ZNF727: variants seen among roughly 807,000 people sequenced by gnomAD.
ZNF727 encodes putative zinc finger protein 727.
A neutral mutation model predicts 11.5 loss-of-function variants in ZNF727; 11 were observed. The observed-to-expected ratio is 0.95, with a 90% confidence interval of 0.60 to 1.58. ZNF727 has a LOEUF of 1.58. ZNF727 is among the 40% of genes most tolerant of loss of function. ZNF727 has a pLI of 0.00. For missense variants in ZNF727, 533 were observed against 581.7 expected (o/e 0.92, Z 0.86); for synonymous variants, 171 against 196.1 (o/e 0.87, Z 1.07).
At chr7:64,065,301 C>A (rs532444768) in intron 1 of ZNF727, among the ~76,000 whole-genome samples, 1 of 152,170 alleles carries the variant, frequency 6.6e-6, no homozygotes, top group Admixed American at 6.5e-5. Flanking sequence ...TCACTGCGGC[C>A]CATATTCTCA....
chr7:64,046,121 T>G (rs1340507347), intron 1 of ZNF727, among the ~76,000 whole-genome samples: 1 of 152,122 alleles, frequency 6.6e-6, no homozygotes, highest in Non-Finnish European at 1.5e-5. Context: ...GCTCAGATGA[T>G]CCTCCCACCC....
At chr7:64,061,499 CT>C (rs541292621) in intron 1 of ZNF727, among the ~76,000 whole-genome samples, 3 of 150,828 alleles carry the variant, frequency 2.0e-5, no homozygotes, top group African/African-American at 7.3e-5. Flanking sequence ...TATCCCTGCT[CT>C]TTTTTTTGTT....
At position 64,045,732 on chromosome 7, in the gene ZNF727, C is replaced by G. The variant is rs538143824; in HGVS notation, c.3+108C>G. 5.2e-5 allele frequency: 74 copies of G among 1,432,986 alleles called. No individual in the cohort carries two copies. In the African/African-American group the frequency reaches 9.6e-4, roughly 19 times the overall value. The allele number at this position is 1,432,986 out of a possible 1,614,324, so 88.8% of individuals were successfully genotyped here. On this transcript the variant is annotated intron_variant, in intron 1 of 3. Transcript: ENST00000456806. Reference sequence around the variant, plus strand: ...CTCGCGGTCAGCTCTGCAGCAGCTCCGAGTCCCCGTGGGCACAGTTCAGTC... The same window carrying G: ...CTCGCGGTCAGCTCTGCAGCAGCTCGGAGTCCCCGTGGGCACAGTTCAGTC...
rs1785748549 is a variant in ZNF727, at chr7:64,079,414, A to G, written c.*865A>G. Among the ~76,000 whole-genome samples, 1 of 152,148 alleles carries G rather than the reference A, an allele frequency of 6.6e-6. No homozygotes were observed. The highest frequency in any genetic ancestry group is 1.5e-5 in the Non-Finnish European group (1 of 68,020). ...CTGGGTGCTTTTGTGTTGGATGCAT[A>G]TATAGCCCTTTACTATTATGTAATG... On this transcript the variant is annotated 3_prime_UTR_variant, in exon 4 of 4. Transcript: ENST00000456806.
Position 64,079,401 on chromosome 7 carries a change from G to GGT in ZNF727, c.*852_*853insGT, listed in dbSNP as rs1490979591. Among the ~76,000 whole-genome samples, 1 of 152,082 alleles carries GGT rather than the reference G, an allele frequency of 6.6e-6. No individual in the cohort carries two copies. The highest frequency in any genetic ancestry group is 1.5e-5 in the Non-Finnish European group (1 of 67,996). On this transcript the variant is annotated 3_prime_UTR_variant, in exon 4 of 4. Transcript: ENST00000456806. ...ACTTGCTTCATAACTGGGTGCTTTT[G>GGT]TGTTGGATGCATATATAGCCCTTTA...
In ZNF727 at chr7:64,084,633, CTA is replaced by C. The variant is rs766453533; in HGVS notation, c.*6088_*6089del. On this transcript the variant is annotated 3_prime_UTR_variant, in exon 4 of 4. Transcript: ENST00000456806. ...TGTAATGAAGATGAGTATAATGGAG[CTA>C]TATGTTTCTGAATTCTGAACAACTA... 2.0e-5 allele frequency among the ~76,000 whole-genome samples: 3 copies of C among 152,266 alleles called. No individual in the cohort carries two copies. The highest frequency in any genetic ancestry group is 3.9e-4 in the East Asian group (2 of 5,188).
At chr7:64,054,086 A>G (rs1207233291) in intron 1 of ZNF727, among the ~76,000 whole-genome samples, 1 of 152,204 alleles carries the variant, frequency 6.6e-6, no homozygotes, top group African/African-American at 2.4e-5. Context: ...TACAGCAGGA[A>G]TTAGTATATG....
In ZNF727 at chr7:64,082,560, A is replaced by T. The variant is rs7779587; in HGVS notation, c.*4011A>T. On this transcript the variant is annotated 3_prime_UTR_variant, in exon 4 of 4. Coordinates refer to ENST00000456806, the MANE Select transcript of ZNF727 (RefSeq NM_001159522.3). The stretch of plus-strand genomic sequence containing the variant: ...TGAAAGGTCTTACCCAGTGAGGAGA[A>T]CATGACTGGGGACCCACTTAAGAAA... Among the ~76,000 whole-genome samples the T allele has an allele frequency of 0.51, 78,209 of 152,020 alleles. 21,276 individuals carry two copies. The highest frequency in any genetic ancestry group is 0.61 in the Non-Finnish European group (41,698 of 67,964).
At chr7:64,076,810 G>C (rs1785670431) in intron 3 of ZNF727, among the ~76,000 whole-genome samples, 1 of 152,098 alleles carries the variant, frequency 6.6e-6, no homozygotes, top group Admixed American at 6.6e-5. Flanking sequence ...AAGTGTCTCT[G>C]CTGTCTGAAA....
In ZNF727 at chr7:64,080,177, T is replaced by A. The variant is rs1785764152; in HGVS notation, c.*1628T>A. On this transcript the variant is annotated 3_prime_UTR_variant, in exon 4 of 4. Transcript: ENST00000456806. ...GGTATATTATTGGGGTTCTCCACAT[T>A]TCTTGCCTTTGAATGTTGGCCTCTC... is the stretch of plus-strand genomic sequence containing the variant. Among the ~76,000 whole-genome samples, 1 of 152,188 alleles carries A rather than the reference T, an allele frequency of 6.6e-6. No individual in the cohort carries two copies. The highest frequency in any genetic ancestry group is 2.1e-4 in the South Asian group (1 of 4,828).
Position 64,077,783 on chromosome 7 carries a change from A to T in ZNF727, c.734A>T (p.Lys245Ile). 6.4e-7 allele frequency: 1 copy of T among 1,573,110 alleles called. No homozygotes were observed. The highest frequency in any genetic ancestry group is 8.6e-7 in the Non-Finnish European group (1 of 1,158,868). The part of the protein sequence containing the change: ...KTFTCSSALT[K>I]HKRNHTGDRP... ...TTTACCTGTTCCTCAGCCCTTACTA[A>T]ACACAAGAGAAATCATACTGGAGAC... The change falls in exon 4 of 4, where the codon AAA becomes ATA. Residue 245 changes from lysine (K) to isoleucine (I), a missense_variant. Coordinates refer to ENST00000456806, the MANE Select transcript of ZNF727 (RefSeq NM_001159522.3).
At chr7:64,069,704 C>G (rs1789930116) in intron 3 of ZNF727, 95 bp downstream of exon 3, 1 of 983,170 alleles carries the variant, frequency 1.0e-6, no homozygotes, top group Non-Finnish European at 1.5e-6. Context: ...AAGCTCTGCT[C>G]CAGTGGAAAT....
rs1351190118 is a variant in ZNF727 at position 64,082,285 on chromosome 7, A to AC, written c.*3736_*3737insC. On this transcript the variant is annotated 3_prime_UTR_variant, in exon 4 of 4. Coordinates refer to ENST00000456806, the MANE Select transcript of ZNF727 (RefSeq NM_001159522.3). Reference sequence around the variant, plus strand: ...CCAGGCCTGGAGAACTTGCCCAGTGAGAATATATGAGAACAGGCACTCACG... The same window carrying AC: ...CCAGGCCTGGAGAACTTGCCCAGTGACGAATATATGAGAACAGGCACTCACG... 6.6e-6 allele frequency among the ~76,000 whole-genome samples: 1 copy of AC among 152,196 alleles called. No homozygotes were observed. Among genetic ancestry groups the AC allele is most frequent in the East Asian group, 1.9e-4 (1 of 5,176 alleles).
chr7:64,075,939 A>G (rs1785642250), intron 3 of ZNF727, among the ~76,000 whole-genome samples: 1 of 152,252 alleles, frequency 6.6e-6, no homozygotes, highest in African/African-American at 2.4e-5. Context: ...GTGCAGTCAC[A>G]TTTAAAATGC....
At chr7:64,051,453 A>G (rs1394726412) in intron 1 of ZNF727, among the ~76,000 whole-genome samples, 1 of 152,240 alleles carries the variant, frequency 6.6e-6, no homozygotes, top group Non-Finnish European at 1.5e-5. Flanking sequence ...AATGGTTGGT[A>G]AAACAGGAGA....
rs2116331367 is a variant in ZNF727, at chr7:64,078,144, G to A, written c.1095G>A (p.Leu365=). The A allele has an allele frequency of 6.3e-7, 1 of 1,599,048 alleles. No individual in the cohort carries two copies. Among genetic ancestry groups the A allele is most frequent in the South Asian group, 1.1e-5 (1 of 89,566 alleles). ...LISHKRIHME[L]RPYKCEECGK... is the part of the protein sequence containing the mutation. ...GCCACAAGAGAATTCATATGGAATT[G>A]AGACCTTACAAATGTGAAGAATGTG... The change falls in exon 4 of 4, where the codon TTG becomes TTA. Residue 365 remains leucine, a synonymous_variant. Transcript: ENST00000456806.
chr7:64,059,015 G>A (rs1449241592), intron 1 of ZNF727, among the ~76,000 whole-genome samples: 4 of 149,286 alleles, frequency 2.7e-5, no homozygotes, highest in Admixed American at 6.8e-5. Context: ...CACGATCTAC[G>A]CTCACTGCAA....
chr7:64,056,146 A>C (rs1789683005), intron 1 of ZNF727, among the ~76,000 whole-genome samples: 1 of 152,162 alleles, frequency 6.6e-6, no homozygotes, highest in Admixed American at 6.6e-5. Context: ...TTATTTTATA[A>C]ACAGGTTTAT....
At position 64,084,774 on chromosome 7, in the gene ZNF727, C is replaced by A. The variant is rs1785848391; in HGVS notation, c.*6225C>A. 6.6e-6 allele frequency among the ~76,000 whole-genome samples: 1 copy of A among 152,038 alleles called. No individual in the cohort carries two copies. Among genetic ancestry groups the A allele is most frequent in the South Asian group, 2.1e-4 (1 of 4,824 alleles). On this transcript the variant is annotated 3_prime_UTR_variant, in exon 4 of 4. Coordinates refer to ENST00000456806, the MANE Select transcript of ZNF727 (RefSeq NM_001159522.3). Reference sequence around the variant, plus strand: ...TCAATTTAAATATACAAATGTATCACTGTAAAATAAACTTTAAGTGTAACA... The same window carrying A: ...TCAATTTAAATATACAAATGTATCAATGTAAAATAAACTTTAAGTGTAACA...
Sources: gnomAD v4.1 joint callset for allele counts (sites outside exome capture counted in the v4.1 genomes callset) on GRCh38, gnomAD v4.1.1 for gene constraint, MANE v1.5 for transcripts, NCBI Gene and HGNC (gene_info 2026-07-23, HGNC 2026-07-21) for gene names.